The following PAX5 variants were observed in gnomAD, a reference collection of about 807,000 sequenced individuals.
The protein encoded by PAX5 is paired box 5.
A neutral mutation model predicts 43.7 loss-of-function variants in PAX5; 9 were observed. The ratio of observed to expected loss-of-function variants is 0.21; its 90% CI spans 0.12 to 0.36. The LOEUF is 0.36. Among genes scored for constraint, PAX5 ranks in the 10% least tolerant of loss-of-function variants. The pLI is 1.00. For missense variants in PAX5, 383 were observed against 532.7 expected (o/e 0.72, Z 2.77); for synonymous variants, 228 against 214.3 (o/e 1.06, Z -0.56).
intron 6 of PAX5, among the ~76,000 whole-genome samples, chr9:36,932,573 T>A (rs544203031): frequency 1.3e-5 from 2 of 152,152 alleles, no homozygotes; most frequent in Non-Finnish European, 2.9e-5. Flanking sequence ...GGGGGTGGGA[T>A]CAGAGATTAA....
intron 6 of PAX5, among the ~76,000 whole-genome samples, chr9:36,948,613 A>G (rs1402399419): frequency 6.6e-6 from 1 of 152,170 alleles, no homozygotes; most frequent in Non-Finnish European, 1.5e-5. Flanking sequence ...TTTCCCTGGA[A>G]GCCTGGGCTC....
chr9:37,001,220 A>T (rs576106669), intron 5 of PAX5, among the ~76,000 whole-genome samples: 1 of 152,332 alleles, frequency 6.6e-6, no homozygotes, highest in African/African-American at 2.4e-5. Context: ...CCAGGCCAGA[A>T]CCTGTCTGTT....
chr9:36,903,456 G>A (rs1479672024), intron 7 of PAX5, among the ~76,000 whole-genome samples: 1 of 152,238 alleles, frequency 6.6e-6, no homozygotes, highest in African/African-American at 2.4e-5. Context: ...TTTGGTCTAG[G>A]TGGGGAGTTT....
At chr9:37,032,386 C>T (rs1007300976) in intron 1 of PAX5, among the ~76,000 whole-genome samples, 1 of 152,172 alleles carries the variant, frequency 6.6e-6, no homozygotes, top group Non-Finnish European at 1.5e-5. Flanking sequence ...CACTTCCAGG[C>T]TCAGGTCTCT....
chr9:37,020,144 T>C (rs1406822067), intron 2 of PAX5, among the ~76,000 whole-genome samples: 2 of 151,708 alleles, frequency 1.3e-5, no homozygotes, highest in African/African-American at 4.8e-5. Flanking sequence ...CTTTGGATGC[T>C]TGTCACTGCG....
At chr9:36,925,833 C>T (rs1462272554) in intron 6 of PAX5, among the ~76,000 whole-genome samples, 1 of 152,152 alleles carries the variant, frequency 6.6e-6, no homozygotes, top group East Asian at 1.9e-4. Flanking sequence ...ACCCAGTCAT[C>T]CTGCTGCCCT....
At chr9:36,973,220 T>C (rs2132234931) in intron 5 of PAX5, among the ~76,000 whole-genome samples, 1 of 152,062 alleles carries the variant, frequency 6.6e-6, no homozygotes, top group East Asian at 1.9e-4. Flanking sequence ...ATCCCATTCC[T>C]GTTTTATGCA....
intron 6 of PAX5, among the ~76,000 whole-genome samples, chr9:36,938,345 G>A (rs985668562): frequency 3.9e-5 from 6 of 152,212 alleles, no homozygotes; most frequent in South Asian, 2.1e-4. Context: ...ACAAACACAC[G>A]TCTAAAGGCT....
At chr9:36,861,989 C>T (rs1468740115) in intron 8 of PAX5, among the ~76,000 whole-genome samples, 1 of 152,070 alleles carries the variant, frequency 6.6e-6, no homozygotes, top group Admixed American at 6.6e-5. Context: ...ATCCTAATGC[C>T]ACAAGACTGG....
intron 8 of PAX5, among the ~76,000 whole-genome samples, chr9:36,861,622 G>T (rs774244250): frequency 1.3e-5 from 2 of 151,912 alleles, no homozygotes; most frequent in African/African-American, 4.8e-5. Flanking sequence ...CTGTGGGAAG[G>T]GCCCTCTAAG....
At chr9:36,996,608 C>T (rs1837415657) in intron 5 of PAX5, among the ~76,000 whole-genome samples, 3 of 152,178 alleles carry the variant, frequency 2.0e-5, no homozygotes, top group African/African-American at 7.2e-5. Flanking sequence ...GCCCTCATCC[C>T]GGGAGCAGCA....
At position 37,001,804 on chromosome 9, in the gene PAX5, C is replaced by T. The variant is rs541881764; in HGVS notation, c.604+844G>A. ...GCTGCTCTCAGGCCCTAGACCACAG[C>T]TCTGGCTTTTTTTTTTTTTTTTTTT... On this transcript the variant is annotated intron_variant, in intron 5 of 9. Coordinates refer to ENST00000358127, the MANE Select transcript of PAX5 (RefSeq NM_016734.3). Among the ~76,000 whole-genome samples the T allele has an allele frequency of 8.1e-5, 11 of 135,582 alleles. No individual in the cohort carries two copies. The South Asian group carries it at 2.6e-3, about 32-fold the overall frequency. The allele number at this position is 135,582 out of a possible 152,430, so 88.9% of individuals were successfully genotyped here.
At chr9:36,962,518 G>A (rs903631068) in intron 6 of PAX5, among the ~76,000 whole-genome samples, 5 of 152,320 alleles carry the variant, frequency 3.3e-5, no homozygotes, top group African/African-American at 1.2e-4. Flanking sequence ...GGATGTGAAC[G>A]GTCTTTGTGA....
chr9:36,909,333 C>T (rs1253766382), intron 7 of PAX5, among the ~76,000 whole-genome samples: 2 of 152,234 alleles, frequency 1.3e-5, no homozygotes, highest in Non-Finnish European at 2.9e-5. Flanking sequence ...GAGCGGATGT[C>T]ATTGCACTGG....
intron 8 of PAX5, among the ~76,000 whole-genome samples, chr9:36,856,849 A>C (rs1175728248): frequency 6.6e-6 from 1 of 152,212 alleles, no homozygotes; most frequent in Non-Finnish European, 1.5e-5. Context: ...AAAGATAGGA[A>C]GGCTCTAGGT....
In PAX5 at chr9:36,914,970, C is replaced by T. The variant is rs551994175; in HGVS notation, c.910+8385G>A. Among the ~76,000 whole-genome samples the T allele has an allele frequency of 3.9e-5, 6 of 152,292 alleles. No homozygotes were observed. In the South Asian group the frequency reaches 6.2e-4, roughly 16 times the overall value. ...GTATATCTTAGACACTTATTTACAT[C>T]GGTACAGATAGTTCTATTTAATTCT... is the stretch of plus-strand genomic sequence containing the variant. On this transcript the variant is annotated intron_variant, in intron 7 of 9. Coordinates refer to ENST00000358127, the MANE Select transcript of PAX5 (RefSeq NM_016734.3).
intron 7 of PAX5, among the ~76,000 whole-genome samples, chr9:36,898,995 C>A (rs76251261): frequency 0.072 from 11,028 of 152,174 alleles, 440 homozygotes; most frequent in South Asian, 0.15. Context: ...CTCCTTGGCT[C>A]CCCATCACCT....
chr9:36,985,474 T>C (rs1435991466), intron 5 of PAX5, among the ~76,000 whole-genome samples: 1 of 152,184 alleles, frequency 6.6e-6, no homozygotes, highest in Non-Finnish European at 1.5e-5. Context: ...ATTCCCTCAC[T>C]ACTACTTCCA....
Position 36,840,127 on chromosome 9 carries a change from C to A in PAX5, c.*433G>T, listed in dbSNP as rs1166577273. 8.0e-6 allele frequency: 3 copies of A among 374,846 alleles called. No homozygotes were observed. Among genetic ancestry groups the A allele is most frequent in the Non-Finnish European group, 1.5e-5 (3 of 202,736 alleles). The allele number at this position is 374,846 out of a possible 1,614,324, so 23.2% of individuals were successfully genotyped here. ...CGAGATGCATCATGGGTGGAGCAGT[C>A]TTCTCAGTCGGACCTTCAGGCCCAC... On this transcript the variant is annotated 3_prime_UTR_variant, in exon 10 of 10. Coordinates refer to ENST00000358127, the MANE Select transcript of PAX5 (RefSeq NM_016734.3).
Sources: gnomAD v4.1 joint callset for allele counts (sites outside exome capture counted in the v4.1 genomes callset) on GRCh38, gnomAD v4.1.1 for gene constraint, MANE v1.5 for transcripts, NCBI Gene and HGNC (gene_info 2026-07-23, HGNC 2026-07-21) for gene names.